Variants in CNTNAP4 observed in about 807,000 individuals in gnomAD.
CNTNAP4 encodes the protein contactin associated protein family member 4, also known as contactin-associated protein-like 4.
CNTNAP4 carries 98 observed loss-of-function variants against 148.4 expected under a neutral mutation model. The observed-to-expected ratio is 0.66, with a 90% CI of 0.56 to 0.78. The LOEUF is 0.78. CNTNAP4 is among the 30% of genes least tolerant of loss of function. CNTNAP4 has a pLI of 0.00. For missense variants in CNTNAP4, 1,935 were observed against 1,565.6 expected (o/e 1.24, Z -3.98); for synonymous variants, 730 against 565.1 (o/e 1.29, Z -4.14).
At chr16:76,313,334 G>A (rs761545966) in intron 1 of CNTNAP4, among the ~76,000 whole-genome samples, 1 of 152,152 alleles carries the variant, frequency 6.6e-6, no homozygotes, top group Non-Finnish European at 1.5e-5. Context: ...ACACCTGCAT[G>A]CTGAAAATGA....
intron 12 of CNTNAP4, among the ~76,000 whole-genome samples, chr16:76,486,319 T>G (rs1597702598): frequency 6.6e-6 from 1 of 152,334 alleles, no homozygotes; most frequent in Non-Finnish European, 1.5e-5. Context: ...ATTTTTAAAA[T>G]GCATTATTAA....
At chr16:76,373,568 A>G (rs1010054728) in intron 3 of CNTNAP4, among the ~76,000 whole-genome samples, 2 of 152,152 alleles carry the variant, frequency 1.3e-5, no homozygotes, top group South Asian at 2.1e-4. Context: ...ATGTTAGGAC[A>G]TTTGTCCAGA....
At chr16:76,463,076 T>C (rs1388434650) in intron 9 of CNTNAP4, among the ~76,000 whole-genome samples, 1 of 152,206 alleles carries the variant, frequency 6.6e-6, no homozygotes, top group Non-Finnish European at 1.5e-5. Context: ...GAAAGGCTGC[T>C]TAGGGCCAAC....
chr16:76,539,658 A>G (rs2084363983), intron 19 of CNTNAP4, 61 bp from the exon 20 acceptor site: 2 of 1,393,154 alleles, frequency 1.4e-6, no homozygotes, highest in Non-Finnish European at 1.9e-6. Context: ...TCTGATTTTT[A>G]AGTAAGCCGC....
intron 2 of CNTNAP4, among the ~76,000 whole-genome samples, chr16:76,336,309 A>G (rs962569807): frequency 1.3e-5 from 2 of 152,238 alleles, no homozygotes; most frequent in East Asian, 1.9e-4. Flanking sequence ...ATGTACAGTA[A>G]TCTGCTGGCT....
chr16:76,388,124 T>C (rs2016666752), intron 3 of CNTNAP4, among the ~76,000 whole-genome samples: 1 of 152,194 alleles, frequency 6.6e-6, no homozygotes, highest in Non-Finnish European at 1.5e-5. Context: ...TGGGTTGTGA[T>C]TACTTTACAA....
intron 3 of CNTNAP4, among the ~76,000 whole-genome samples, chr16:76,419,764 G>A (rs1043459251): frequency 6.6e-6 from 1 of 151,978 alleles, no homozygotes. Context: ...AGGTTGAAAA[G>A]TCCGAGAACA....
intron 21 of CNTNAP4, among the ~76,000 whole-genome samples, chr16:76,546,052 TA>T (rs2084714696): frequency 6.7e-6 from 1 of 149,626 alleles, no homozygotes. Flanking sequence ...AAAGAAAAAC[TA>T]AAAAGTGCCC....
rs1238017990 is a variant in CNTNAP4 at position 76,277,711 on chromosome 16, A to T, written c.49A>T (p.Thr17Ser). Reference protein sequence around the residue: ...AVLKTLLLLSTQNWNRVEAGN... With the variant: ...AVLKTLLLLSSQNWNRVEAGN... ...CCTCAAGACGCTACTTCTGTTATCT[A>T]CTCAAAATTGGAACAGAGTCGAAGC... The change falls in exon 1 of 24, where the codon ACT becomes TCT. Residue 17 changes from threonine to serine, a missense_variant. Physicochemically the swap from Thr to Ser is moderately conservative, Grantham distance 58. Transcript: ENST00000611870. 3.1e-6 allele frequency: 5 copies of T among 1,605,608 alleles called. No homozygotes were observed. The highest frequency in any genetic ancestry group is 4.3e-6 in the Non-Finnish European group (5 of 1,175,534).
chr16:76,461,190 A>G (rs1425677604), intron 8 of CNTNAP4, among the ~76,000 whole-genome samples: 2 of 152,176 alleles, frequency 1.3e-5, no homozygotes, highest in Non-Finnish European at 2.9e-5. Context: ...AAACAGTGAA[A>G]TCACAAACAA....
chr16:76,539,890 G>C lies in CNTNAP4; in HGVS notation c.3354+38G>C, dbSNP rs188295314. 192 of 1,484,236 alleles carry C rather than the reference G, an allele frequency of 1.3e-4. 1 individual carries two copies. In the African/African-American group the frequency reaches 2.3e-3, roughly 18 times the overall value. 91.9% of individuals were successfully genotyped at this position (1,484,236 alleles called of 1,614,324 possible). ...ATTCAGCAGAAGCAATCATTTTAAT[G>C]ACTCTCCAGCATGAAGGATCTCAAG... On this transcript the variant is annotated intron_variant, in intron 20 of 23. Transcript: ENST00000611870.
At chr16:76,319,962 A>G (rs983124380) in intron 2 of CNTNAP4, among the ~76,000 whole-genome samples, 1 of 152,200 alleles carries the variant, frequency 6.6e-6, no homozygotes, top group Non-Finnish European at 1.5e-5. Context: ...TTTTGGTACT[A>G]GAAGTTTAGT....
intron 3 of CNTNAP4, among the ~76,000 whole-genome samples, chr16:76,377,577 G>T (rs1009793051): frequency 6.6e-5 from 10 of 152,088 alleles, no homozygotes; most frequent in Admixed American, 2.0e-4. Context: ...GTGTTTTATG[G>T]GTCAACCACA....
chr16:76,351,871 A>G (rs1434901424), intron 2 of CNTNAP4, among the ~76,000 whole-genome samples: 1 of 152,188 alleles, frequency 6.6e-6, no homozygotes, highest in Non-Finnish European at 1.5e-5. Flanking sequence ...TTCTTGCTGC[A>G]TTGCTGTCAT....
chr16:76,503,732 A>G (rs1037285414), intron 15 of CNTNAP4, among the ~76,000 whole-genome samples: 7 of 151,126 alleles, frequency 4.6e-5, no homozygotes, highest in African/African-American at 1.2e-4. Flanking sequence ...CCTGTGTCCA[A>G]GTGTTCTGAT....
intron 15 of CNTNAP4, among the ~76,000 whole-genome samples, chr16:76,499,465 A>G (rs2082537656): frequency 6.6e-6 from 1 of 152,044 alleles, no homozygotes; most frequent in Non-Finnish European, 1.5e-5. Context: ...TTGGTAATTC[A>G]GCCAGACTTC....
chr16:76,306,226 A>G (rs141757998), intron 1 of CNTNAP4, among the ~76,000 whole-genome samples: 1 of 152,322 alleles, frequency 6.6e-6, no homozygotes, highest in Non-Finnish European at 1.5e-5. Flanking sequence ...TCTTTGAGAA[A>G]TATCTAAACT....
At chr16:76,543,413 C>T (rs2084547681) in intron 21 of CNTNAP4, among the ~76,000 whole-genome samples, 1 of 152,160 alleles carries the variant, frequency 6.6e-6, no homozygotes, top group Non-Finnish European at 1.5e-5. Flanking sequence ...GTCTTGAAGT[C>T]ACTTACTGTG....
intron 3 of CNTNAP4, among the ~76,000 whole-genome samples, chr16:76,404,073 CAGAAAA>C (rs1219282387): frequency 2.0e-5 from 3 of 151,926 alleles, no homozygotes; most frequent in Non-Finnish European, 4.4e-5. Context: ...TGGAGACGAG[CAGAAAA>C]ATTAACTATT....
Sources: gnomAD v4.1 joint callset for allele counts (sites outside exome capture counted in the v4.1 genomes callset) on GRCh38, gnomAD v4.1.1 for gene constraint, MANE v1.5 for transcripts, NCBI Gene and HGNC (gene_info 2026-07-23, HGNC 2026-07-21) for gene names.